Variants in UBE2D1 observed in about 807,000 individuals in gnomAD.
UBE2D1 encodes ubiquitin conjugating enzyme E2 D1.
UBE2D1 carries 9 observed loss-of-function variants against 24.6 expected under a neutral mutation model. That is an observed-to-expected ratio of 0.37 (90% CI 0.22 to 0.64). The LOEUF is 0.64. UBE2D1 is among the 30% of genes least tolerant of loss of function. The pLI, the probability that UBE2D1 is intolerant of heterozygous loss-of-function variation, is 0.64. For synonymous variants in UBE2D1, 57 were observed against 57.6 expected (o/e 0.99, Z 0.04); for missense variants, 87 against 177.1 (o/e 0.49, Z 2.89).
At chr10:58,338,945 TATAG>T (rs1211383632) in intron 1 of UBE2D1, among the ~76,000 whole-genome samples, 1 of 152,214 alleles carries the variant, frequency 6.6e-6, no homozygotes, top group Non-Finnish European at 1.5e-5. Context: ...CTGAAACATA[TATAG>T]AGAGACATAG....
intron 4 of UBE2D1, chr10:58,364,500 G>T (rs935514344): frequency 3.7e-6 from 1 of 269,648 alleles, no homozygotes; most frequent in East Asian, 6.9e-5. Context: ...AGTCATACCG[G>T]CTACTAGAGA....
intron 1 of UBE2D1, among the ~76,000 whole-genome samples, chr10:58,342,290 G>A (rs774117753): frequency 5.3e-5 from 8 of 151,974 alleles, no homozygotes; most frequent in Admixed American, 1.3e-4. Flanking sequence ...ATATGGTCCC[G>A]TTTGTATGGC....
At chr10:58,363,828 A>G (rs1840226302) in intron 4 of UBE2D1, 142 bp downstream of exon 4, 3 of 558,986 alleles carry the variant, frequency 5.4e-6, no homozygotes, top group Admixed American at 3.7e-5. Context: ...TGTAAAAACT[A>G]CTGAATCTAA....
intron 1 of UBE2D1, among the ~76,000 whole-genome samples, chr10:58,345,951 G>A (rs1262333194): frequency 1.3e-5 from 2 of 151,374 alleles, no homozygotes; most frequent in Admixed American, 6.6e-5. Context: ...TGAGAAATAT[G>A]TACTTAATGC....
intron 1 of UBE2D1, among the ~76,000 whole-genome samples, chr10:58,354,353 TA>T (rs534162271): frequency 2.0e-5 from 3 of 152,022 alleles, no homozygotes; most frequent in Non-Finnish European, 4.4e-5. Context: ...CCAGAAAACT[TA>T]ACTGTGTCTA....
rs192167656 is a variant in UBE2D1, at chr10:58,360,155, C to G, written c.25-1183C>G. Among the ~76,000 whole-genome samples, 62 of 152,290 alleles carry G rather than the reference C, an allele frequency of 4.1e-4. 1 individual carries two copies. In the South Asian group the frequency reaches 6.0e-3, roughly 15 times the overall value. ...GCCTGGCTTCTGCCCACATTTCCAG[C>G]CTCATCCTCTGCCACTCTGCCTCCC... is the stretch of plus-strand genomic sequence containing the variant. On this transcript the variant is annotated intron_variant, in intron 1 of 6. Coordinates refer to ENST00000373910, the MANE Select transcript of UBE2D1 (RefSeq NM_003338.5).
At chr10:58,342,115 T>G (rs1839967132) in intron 1 of UBE2D1, among the ~76,000 whole-genome samples, 1 of 152,178 alleles carries the variant, frequency 6.6e-6, no homozygotes, top group African/African-American at 2.4e-5. Flanking sequence ...AGGTTCAGTT[T>G]CACACATTAG....
intron 1 of UBE2D1, among the ~76,000 whole-genome samples, chr10:58,336,982 G>C (rs1839910086): frequency 6.6e-6 from 1 of 152,032 alleles, no homozygotes; most frequent in African/African-American, 2.4e-5. Context: ...CACAGTAAGT[G>C]GATATTCAAA....
At chr10:58,339,054 G>A (rs984962013) in intron 1 of UBE2D1, among the ~76,000 whole-genome samples, 1 of 152,122 alleles carries the variant, frequency 6.6e-6, no homozygotes, top group Admixed American at 6.5e-5. Context: ...GAAAACTTTA[G>A]GATACTTAAC....
Position 58,370,435 on chromosome 10 carries a change from T to A in UBE2D1, c.*1670T>A, listed in dbSNP as rs1315169162. On this transcript the variant is annotated 3_prime_UTR_variant, in exon 7 of 7. Coordinates refer to ENST00000373910, the MANE Select transcript of UBE2D1 (RefSeq NM_003338.5). ...GAAAATATGTGTTTTTATAAATGAA[T>A]GTAAAATAATTAAATGAATTGTGAA... 2.0e-5 allele frequency: 3 copies of A among 152,568 alleles called. No individual in the cohort carries two copies. The highest frequency in any genetic ancestry group is 7.2e-5 in the African/African-American group (3 of 41,422). The allele number at this position is 152,568 out of a possible 1,614,324, so 9.5% of individuals were successfully genotyped here.
intron 1 of UBE2D1, among the ~76,000 whole-genome samples, chr10:58,338,709 A>G (rs1194807976): frequency 1.3e-5 from 2 of 152,236 alleles, no homozygotes; most frequent in Admixed American, 6.5e-5. Context: ...TGTCATCATC[A>G]TAGATTTTAT....
At chr10:58,355,530 CAA>C (rs747040022) in intron 1 of UBE2D1, among the ~76,000 whole-genome samples, 9 of 151,978 alleles carry the variant, frequency 5.9e-5, no homozygotes, top group Admixed American at 2.6e-4. Flanking sequence ...AAAGGACAGA[CAA>C]AGAGGAAAGT....
chr10:58,342,890 C>T (rs1349559242), intron 1 of UBE2D1, among the ~76,000 whole-genome samples: 3 of 146,436 alleles, frequency 2.0e-5, no homozygotes, highest in Non-Finnish European at 3.0e-5. Flanking sequence ...AGTACAGTGG[C>T]GCGATCTCGG....
At chr10:58,345,718 C>T (rs191310501) in intron 1 of UBE2D1, among the ~76,000 whole-genome samples, 1 of 151,984 alleles carries the variant, frequency 6.6e-6, no homozygotes, top group Non-Finnish European at 1.5e-5. Context: ...TTGGGAAAAT[C>T]AGGAAAAACT....
At chr10:58,335,854 A>G (rs544465025) in intron 1 of UBE2D1, among the ~76,000 whole-genome samples, 1 of 152,328 alleles carries the variant, frequency 6.6e-6, no homozygotes, top group East Asian at 1.9e-4. Context: ...ACATAGCTGT[A>G]GCGAAAACAT....
At chr10:58,355,590 C>T (rs1840123039) in intron 1 of UBE2D1, among the ~76,000 whole-genome samples, 3 of 151,954 alleles carry the variant, frequency 2.0e-5, no homozygotes, top group South Asian at 2.1e-4. Flanking sequence ...GGCTTATGTC[C>T]CATTAACAGG....
chr10:58,351,258 CTCTT>C (rs1207491639), intron 1 of UBE2D1, among the ~76,000 whole-genome samples: 1 of 152,094 alleles, frequency 6.6e-6, no homozygotes, highest in Non-Finnish European at 1.5e-5. Flanking sequence ...CTTACTGTAA[CTCTT>C]TGTTTATAAA....
chr10:58,365,053 G>T (rs1840240431), intron 5 of UBE2D1, among the ~76,000 whole-genome samples, 177 bp downstream of exon 5: 1 of 152,224 alleles, frequency 6.6e-6, no homozygotes, highest in African/African-American at 2.4e-5. Flanking sequence ...AGCTTTGGTT[G>T]AGGGGAGTGT....
chr10:58,336,942 C>G (rs944446010), intron 1 of UBE2D1, among the ~76,000 whole-genome samples: 2 of 152,202 alleles, frequency 1.3e-5, no homozygotes, highest in African/African-American at 4.8e-5. Context: ...CCATACCCAA[C>G]TAACAATAGC....
Sources: allele counts gnomAD v4.1 joint callset (sites outside exome capture counted in the v4.1 genomes callset), GRCh38; gene constraint gnomAD v4.1.1; transcripts MANE v1.5; gene names NCBI Gene and HGNC (gene_info 2026-07-23, HGNC 2026-07-21).